Variants in MYO16 observed in about 807,000 individuals in gnomAD.
The protein encoded by MYO16 is unconventional myosin-XVI.
MYO16 carries 94 observed loss-of-function variants against 205.3 expected under a neutral mutation model. The ratio of observed to expected loss-of-function variants is 0.46; its 90% CI spans 0.39 to 0.54. The LOEUF is 0.54. MYO16 is among the 20% of genes least tolerant of loss of function. The pLI is 0.00. For missense variants in MYO16, 2,315 were observed against 2,387.5 expected (o/e 0.97, Z 0.63); for synonymous variants, 988 against 954.0 (o/e 1.04, Z -0.66).
At chr13:108,867,623 A>G (rs1878786528) in intron 12 of MYO16, among the ~76,000 whole-genome samples, 1 of 152,222 alleles carries the variant, frequency 6.6e-6, no homozygotes. Context: ...TCAGTTCTGT[A>G]TCTTTCACTT....
chr13:108,986,282 T>C (rs1439741262), intron 20 of MYO16, among the ~76,000 whole-genome samples: 5 of 152,004 alleles, frequency 3.3e-5, no homozygotes, highest in Non-Finnish European at 7.4e-5. Flanking sequence ...ACAGTGCACG[T>C]TATGTGTAAA....
At chr13:109,077,380 A>G (rs1240550619) in intron 27 of MYO16, among the ~76,000 whole-genome samples, 1 of 152,018 alleles carries the variant, frequency 6.6e-6, no homozygotes. Context: ...AGGTACAGAG[A>G]TTTCTCCTAG....
the MYO16 span, among the ~76,000 whole-genome samples, chr13:108,579,366 G>T: frequency 6.6e-5 from 10 of 152,100 alleles, 2 homozygotes; most frequent in South Asian, 2.1e-3. Flanking sequence ...GCCTGGAAGA[G>T]AAATCCGTTT....
chr13:109,003,350 T>C (rs1885279231), intron 21 of MYO16, among the ~76,000 whole-genome samples: 1 of 152,162 alleles, frequency 6.6e-6, no homozygotes, highest in African/African-American at 2.4e-5. Flanking sequence ...AACATGATGT[T>C]CAATAAAAGG....
At chr13:108,646,180 A>G (rs1446547517) in intron 1 of MYO16, among the ~76,000 whole-genome samples, 1 of 152,114 alleles carries the variant, frequency 6.6e-6, no homozygotes, top group Non-Finnish European at 1.5e-5. Flanking sequence ...CTTGTTTGTT[A>G]GTTTGATTTT....
At chr13:109,170,753 A>G (rs1461740048) in intron 33 of MYO16, among the ~76,000 whole-genome samples, 1 of 152,148 alleles carries the variant, frequency 6.6e-6, no homozygotes, top group East Asian at 1.9e-4. Flanking sequence ...CCTCTAGACC[A>G]AAATGGAGAT....
rs1298473270 is a variant in MYO16, at chr13:108,798,817, T to C, written c.741+5177T>C. 4.9e-5 allele frequency among the ~76,000 whole-genome samples: 7 copies of C among 142,736 alleles called. No homozygotes were observed. In the South Asian group the frequency reaches 1.4e-3, roughly 29 times the overall value. 93.6% of individuals were successfully genotyped at this position (142,736 alleles called of 152,430 possible). A position where few individuals can be genotyped will look rare whatever the true frequency, so the allele number is the denominator to read the frequency against. ...GCCTCCCGGGTTCACGCCATTCTCCTGCCTCAGCCTCCCGAGTAGCTGGGA... is the reference window on the plus strand; with the variant it reads ...GCCTCCCGGGTTCACGCCATTCTCCCGCCTCAGCCTCCCGAGTAGCTGGGA... On this transcript the variant is annotated intron_variant, in intron 6 of 34. Transcript: ENST00000457511.
chr13:108,578,992 T>C, the MYO16 span, among the ~76,000 whole-genome samples: 6 of 151,730 alleles, frequency 4.0e-5, no homozygotes, highest in South Asian at 1.0e-3. Flanking sequence ...ACTGTAAATA[T>C]AATGGCTGTG....
intron 4 of MYO16, among the ~76,000 whole-genome samples, chr13:108,762,562 T>C (rs904566701): frequency 6.6e-6 from 1 of 152,208 alleles, no homozygotes; most frequent in Non-Finnish European, 1.5e-5. Context: ...TGGTTTTGAC[T>C]TGCATTTCTC....
chr13:108,579,711 T>C, the MYO16 span, among the ~76,000 whole-genome samples: 1 of 152,158 alleles, frequency 6.6e-6, no homozygotes, highest in African/African-American at 2.4e-5. Flanking sequence ...AGTGCTGCGA[T>C]ACAGGTGTGA....
intron 34 of MYO16, among the ~76,000 whole-genome samples, chr13:109,190,143 G>C (rs1283387144): frequency 6.6e-6 from 1 of 151,298 alleles, no homozygotes; most frequent in African/African-American, 2.4e-5. Context: ...ACATTTTTAA[G>C]GAAAAAAAAA....
intron 1 of MYO16, among the ~76,000 whole-genome samples, chr13:108,647,231 C>A (rs61971798): frequency 0.01 from 1,552 of 152,150 alleles, 15 homozygotes; most frequent in Non-Finnish European, 0.018. Flanking sequence ...TATCATTTAC[C>A]CCGGCATTGC....
At chr13:108,980,496 A>C (rs1047477587) in intron 20 of MYO16, among the ~76,000 whole-genome samples, 1 of 152,232 alleles carries the variant, frequency 6.6e-6, no homozygotes, top group Non-Finnish European at 1.5e-5. Context: ...ATAACACTGC[A>C]GTGCCGTACA....
rs1877162625 is a variant in MYO16 at position 109,142,793 on chromosome 13, G to T, written c.5164+1417G>T. ...AAGTGGCCAATGGGAAACCTCTAGG[G>T]GGTATTTGGACCCGAGAAGATTCTG... On this transcript the variant is annotated intron_variant, in intron 32 of 34. Coordinates refer to ENST00000457511, the MANE Select transcript of MYO16 (RefSeq NM_001198950.3). Among the ~76,000 whole-genome samples the T allele has an allele frequency of 2.0e-5, 3 of 152,226 alleles. No individual in the cohort carries two copies. In the South Asian group the frequency reaches 6.2e-4, roughly 32 times the overall value.
chr13:108,916,201 G>A (rs904574242), intron 16 of MYO16, among the ~76,000 whole-genome samples: 1 of 152,170 alleles, frequency 6.6e-6, no homozygotes, highest in Non-Finnish European at 1.5e-5. Flanking sequence ...CTAAGTGACA[G>A]TCACAGTCAT....
intron 2 of MYO16, among the ~76,000 whole-genome samples, chr13:108,679,118 A>C (rs1424078367): frequency 6.6e-6 from 1 of 152,168 alleles, no homozygotes; most frequent in Non-Finnish European, 1.5e-5. Flanking sequence ...TTGGGCTTCA[A>C]CATAAGAATA....
chr13:108,722,381 G>T (rs961364801), intron 3 of MYO16, among the ~76,000 whole-genome samples: 9 of 152,096 alleles, frequency 5.9e-5, no homozygotes, highest in African/African-American at 2.2e-4. Context: ...CATTGTAACA[G>T]GAATGTTCCA....
chr13:108,687,574 C>T (rs1566550482), intron 2 of MYO16, among the ~76,000 whole-genome samples: 1 of 152,186 alleles, frequency 6.6e-6, no homozygotes, highest in Non-Finnish European at 1.5e-5. Context: ...TATACATTTT[C>T]TAAGTCTGTA....
chr13:109,099,612 G>GATAC (rs1368924910), intron 27 of MYO16, among the ~76,000 whole-genome samples: 4 of 152,204 alleles, frequency 2.6e-5, no homozygotes, highest in Admixed American at 1.3e-4. Flanking sequence ...GGGACCTTGA[G>GATAC]ATACATTCTA....
Sources: gnomAD v4.1 joint callset for allele counts (sites outside exome capture counted in the v4.1 genomes callset) on GRCh38, gnomAD v4.1.1 for gene constraint, MANE v1.5 for transcripts, NCBI Gene and HGNC (gene_info 2026-07-23, HGNC 2026-07-21) for gene names.